MUC22: variants seen among roughly 807,000 people sequenced by gnomAD.
MUC22 encodes mucin-22.
Under a neutral mutation model 40.3 loss-of-function variants are expected in MUC22, and 24 were observed. The ratio of observed to expected loss-of-function variants is 0.60; its 90% CI spans 0.43 to 0.84. The LOEUF is 0.84. MUC22 is among the 40% of genes least tolerant of loss of function. The pLI is 0.00. For synonymous variants in MUC22, 765 were observed against 844.5 expected (o/e 0.91, Z 1.63); for missense variants, 1,926 against 2,130.7 (o/e 0.90, Z 1.89).
chr6:31,009,086 C>A (rs1296930941), upstream of MUC22, among the ~76,000 whole-genome samples: 1 of 152,098 alleles, frequency 6.6e-6, no homozygotes, highest in Non-Finnish European at 1.5e-5. Flanking sequence ...ATTAAAGTTC[C>A]AGAACTCATT....
At chr6:31,028,730 C>T (rs1765688904) in exon 2 of MUC22, 2 of 1,531,534 alleles carry the variant, frequency 1.3e-6, no homozygotes, top group South Asian at 1.2e-5. Flanking sequence ...ACCACCTCTA[C>T]TGAAGGCTCT....
At chr6:31,013,320 T>C (rs1409281389) in intron 1 of MUC22, among the ~76,000 whole-genome samples, 1 of 151,720 alleles carries the variant, frequency 6.6e-6, no homozygotes, top group Non-Finnish European at 1.5e-5. Context: ...AGAGACGGGG[T>C]TTCATTGTGT....
chr6:31,026,810 C>T, exon 2 of MUC22: 1 of 1,501,112 alleles, frequency 6.7e-7, no homozygotes, highest in South Asian at 1.2e-5. Flanking sequence ...ACTACAGTCT[C>T]CACCACAGGC....
chr6:31,029,545 G>A (rs1562617973), exon 2 of MUC22: 2 of 1,528,856 alleles, frequency 1.3e-6, no homozygotes, highest in Non-Finnish European at 1.8e-6. Flanking sequence ...CTCTACTGAA[G>A]GCTCTGAGGC....
At chr6:31,021,647 A>C (rs1764754987) in intron 1 of MUC22, among the ~76,000 whole-genome samples, 1 of 151,688 alleles carries the variant, frequency 6.6e-6, no homozygotes, top group African/African-American at 2.4e-5. Flanking sequence ...GCCTTGGAGG[A>C]CCTCTGTGTC....
At chr6:31,022,498 A>G (rs1198896412) in intron 1 of MUC22, among the ~76,000 whole-genome samples, 1 of 152,020 alleles carries the variant, frequency 6.6e-6, no homozygotes, top group East Asian at 1.9e-4. Context: ...GGAAGAAAAA[A>G]TTTAGATCTA....
chr6:31,029,324 T>C (rs1272437375), exon 2 of MUC22: 2 of 1,525,042 alleles, frequency 1.3e-6, no homozygotes, highest in Admixed American at 2.0e-5. Context: ...ACCACAGCAG[T>C]CTATACCACA....
chr6:31,032,636 C>G lies in MUC22; in HGVS notation c.5055+55C>G. On this transcript the variant is annotated intron_variant, in intron 3 of 3. Transcript: ENST00000561890. The surrounding 1 kb of genome is among the most constrained non-coding windows in gnomAD (Gnocchi z 4.1). ...GCCTGGCAAGAAGGCAGGGGGGAAT[C>G]ATGTCAGCAGTGCTTTGGAAAAATC... is the stretch of plus-strand genomic sequence containing the variant. 1 of 1,486,970 alleles carries G rather than the reference C, an allele frequency of 6.7e-7. No individual in the cohort carries two copies. The highest frequency in any genetic ancestry group is 1.3e-5 in the South Asian group (1 of 75,042). 92.1% of individuals were successfully genotyped at this position (1,486,970 alleles called of 1,614,324 possible).
At chr6:31,025,875 C>G in exon 2 of MUC22, 2 of 1,535,406 alleles carry the variant, frequency 1.3e-6, no homozygotes, top group Non-Finnish European at 8.7e-7. Flanking sequence ...CCACTACAGT[C>G]CCTGAGACTA....
exon 2 of MUC22, chr6:31,029,264 C>T: frequency 6.5e-7 from 1 of 1,527,598 alleles, no homozygotes. Flanking sequence ...ACTACCATCA[C>T]CTCTACTGAA....
At chr6:31,008,484 G>A (rs1476269255), upstream of MUC22, among the ~76,000 whole-genome samples, 2 of 152,172 alleles carry the variant, frequency 1.3e-5, no homozygotes, top group Admixed American at 6.5e-5. Flanking sequence ...GTCCTGAGAG[G>A]GGCATTAAAT....
exon 2 of MUC22, chr6:31,026,416 A>G: frequency 6.6e-7 from 1 of 1,507,182 alleles, no homozygotes; most frequent in Middle Eastern, 1.7e-4. Flanking sequence ...CGAGAACACC[A>G]CAGTCTCTAG....
chr6:31,018,587 A>T (rs982437024), intron 1 of MUC22, among the ~76,000 whole-genome samples: 1 of 152,162 alleles, frequency 6.6e-6, no homozygotes, highest in African/African-American at 2.4e-5. Context: ...GTGTTTTGTT[A>T]TTTCTCTACT....
intron 1 of MUC22, among the ~76,000 whole-genome samples, chr6:31,022,048 A>G (rs890645475): frequency 7.2e-5 from 11 of 151,886 alleles, no homozygotes; most frequent in African/African-American, 2.2e-4. Context: ...AGTTGCTAAC[A>G]CTCACTGTGA....
At chr6:31,021,960 C>T (rs1177425049) in intron 1 of MUC22, among the ~76,000 whole-genome samples, 3 of 152,104 alleles carry the variant, frequency 2.0e-5, no homozygotes, top group African/African-American at 2.4e-5. Context: ...CCGTAAAGGT[C>T]TGCAGCTTCA....
intron 1 of MUC22, among the ~76,000 whole-genome samples, chr6:31,025,074 G>C (rs1282628913): frequency 6.9e-6 from 1 of 145,848 alleles, no homozygotes; most frequent in South Asian, 2.1e-4. Flanking sequence ...TCTCCATATT[G>C]GTCAGGCTGG....
At chr6:31,018,704 C>G (rs996731169) in intron 1 of MUC22, among the ~76,000 whole-genome samples, 6 of 152,376 alleles carry the variant, frequency 3.9e-5, no homozygotes, top group East Asian at 1.9e-4. Flanking sequence ...AAACTAAACT[C>G]ACTTCCATAT....
chr6:31,016,827 G>C (rs9262472), intron 1 of MUC22, among the ~76,000 whole-genome samples: 22,109 of 152,260 alleles, frequency 0.15, 1,770 homozygotes, highest in African/African-American at 0.19. Flanking sequence ...GCTGCCTGCG[G>C]CACTTGCGGG....
chr6:31,028,738 T>A (rs896288634), exon 2 of MUC22: 1 of 1,530,216 alleles, frequency 6.5e-7, no homozygotes, highest in Admixed American at 2.0e-5. Flanking sequence ...TACTGAAGGC[T>A]CTGAGACCAC....
Sources: allele counts gnomAD v4.1 joint callset (sites outside exome capture counted in the v4.1 genomes callset), GRCh38; gene constraint gnomAD v4.1.1; non-coding constraint Gnocchi (gnomAD v3.1); transcripts MANE v1.5; gene names NCBI Gene and HGNC (gene_info 2026-07-23, HGNC 2026-07-21).